Variants in WTAP observed in about 807,000 individuals in gnomAD.
The protein encoded by WTAP is pre-mRNA-splicing regulator WTAP.
Under a neutral mutation model 50.0 loss-of-function variants are expected in WTAP, and 8 were observed. The ratio of observed to expected loss-of-function variants is 0.16; its 90% CI spans 0.09 to 0.29. WTAP has a LOEUF of 0.29. Ranked by LOEUF, WTAP falls within the 10% of genes least tolerant of loss-of-function variation. The probability of loss-of-function intolerance (pLI) is 1.00; values close to 1 mark genes in which losing one functional copy is unlikely to be tolerated. For missense variants in WTAP, 295 were observed against 470.7 expected (o/e 0.63, Z 3.45); for synonymous variants, 194 against 169.0 (o/e 1.15, Z -1.15).
chr6:159,748,952 A>G lies in WTAP; in HGVS notation c.452+583A>G. ...CAAATGAGGTGAATTTTGCCTTTAAAGGGTTTATTTGCTGAGAACCAACTT... is the reference window on the plus strand; with the variant it reads ...CAAATGAGGTGAATTTTGCCTTTAAGGGGTTTATTTGCTGAGAACCAACTT... On this transcript the variant is annotated intron_variant, in intron 6 of 7. Coordinates refer to ENST00000621533, the MANE Select transcript of WTAP (RefSeq NM_001270531.2). This position sits in a 1 kb window ranked among gnomAD's most constrained non-coding sequence, Gnocchi z 5.6. 1 of 1,095,688 alleles carries G rather than the reference A, an allele frequency of 9.1e-7. No individual in the cohort carries two copies. Among genetic ancestry groups the G allele is most frequent in the Non-Finnish European group, 1.1e-6 (1 of 901,758 alleles). The allele number at this position is 1,095,688 out of a possible 1,614,324, so 67.9% of individuals were successfully genotyped here.
chr6:159,749,064 G>C (rs1463806247), intron 6 of WTAP: 1 of 989,622 alleles, frequency 1.0e-6, no homozygotes, highest in African/African-American at 1.7e-5. Flanking sequence ...TATATTACTT[G>C]CTTGAGCCTT....
At chr6:159,732,781 G>A (rs1778654565) in intron 1 of WTAP, among the ~76,000 whole-genome samples, 1 of 151,994 alleles carries the variant, frequency 6.6e-6, no homozygotes, top group Non-Finnish European at 1.5e-5. Context: ...CCGAGATCGC[G>A]CCATTGCACT....
chr6:159,745,316 G>A (rs914867250), intron 5 of WTAP: 6 of 152,138 alleles, frequency 3.9e-5, no homozygotes, highest in African/African-American at 1.4e-4. Flanking sequence ...TGTCCTATAT[G>A]CGCTGGCAGT....
chr6:159,744,330 C>T (rs1379565464), intron 5 of WTAP, among the ~76,000 whole-genome samples: 2 of 152,164 alleles, frequency 1.3e-5, no homozygotes, highest in South Asian at 2.1e-4. Context: ...AGTTTAGGCT[C>T]AATCTTACGG....
At chr6:159,742,269 C>A in intron 4 of WTAP, 123 bp downstream of exon 4, 1 of 749,178 alleles carries the variant, frequency 1.3e-6, no homozygotes, top group Non-Finnish European at 2.1e-6. Flanking sequence ...AAGAACTGTA[C>A]ATAGGCACTG....
intron 6 of WTAP, among the ~76,000 whole-genome samples, chr6:159,750,562 T>C (rs1779780788): frequency 6.6e-6 from 1 of 152,248 alleles, no homozygotes; most frequent in Non-Finnish European, 1.5e-5. Context: ...TATACAGTTA[T>C]TTTATGTATA....
chr6:159,731,957 G>A (rs1486420178), intron 1 of WTAP, among the ~76,000 whole-genome samples: 1 of 150,506 alleles, frequency 6.6e-6, no homozygotes, highest in Non-Finnish European at 1.5e-5. Context: ...ATAAGAATAT[G>A]GATACCTGTC....
rs773806001 is a variant in WTAP at position 159,738,969 on chromosome 6, A to G, written c.31-21A>G. ...TGTCTTCAGGAAGAACACTAAATTC[A>G]TATTGTAATTCTCTTTATAGGTTCG... On this transcript the variant is annotated intron_variant, in intron 2 of 7. Coordinates refer to ENST00000621533, the MANE Select transcript of WTAP (RefSeq NM_001270531.2). 2.5e-6 allele frequency: 4 copies of G among 1,591,414 alleles called. No homozygotes were observed. In the South Asian group the frequency reaches 4.5e-5, roughly 18 times the overall value.
rs561336803 is a variant in WTAP at position 159,755,790 on chromosome 6, T to G, written c.*179T>G. The G allele has an allele frequency of 5.1e-3, 4,343 of 848,456 alleles. 16 individuals are homozygous for G. Among genetic ancestry groups the G allele is most frequent in the Non-Finnish European group, 6.2e-3 (4,000 of 642,104 alleles). The allele number at this position is 848,456 out of a possible 1,614,324, so 52.6% of individuals were successfully genotyped here. On this transcript the variant is annotated 3_prime_UTR_variant, in exon 8 of 8. Transcript: ENST00000621533. Reference sequence around the variant, plus strand: ...CTTTTTTTTTTTTTTTTTTTTTTTTTGCTTCAATACTTCTGCCGCTTTGGA... The same window carrying G: ...CTTTTTTTTTTTTTTTTTTTTTTTTGGCTTCAATACTTCTGCCGCTTTGGA...
chr6:159,731,366 G>A (rs1778560120), intron 1 of WTAP, among the ~76,000 whole-genome samples: 1 of 151,964 alleles, frequency 6.6e-6, no homozygotes, highest in Non-Finnish European at 1.5e-5. Flanking sequence ...TACAAAGGAG[G>A]CTGAGGCAAG....
chr6:159,738,716 T>A (rs186603389), intron 2 of WTAP, among the ~76,000 whole-genome samples: 10 of 152,312 alleles, frequency 6.6e-5, no homozygotes, highest in Admixed American at 6.5e-4. Flanking sequence ...CAGCGTTTGG[T>A]GTTGCCACTA....
At chr6:159,749,091 T>C (rs1324459645) in intron 6 of WTAP, 10 of 987,094 alleles carry the variant, frequency 1.0e-5, no homozygotes, top group Non-Finnish European at 1.2e-5. Context: ...TGTGGTTTTA[T>C]TCAATGGTTT....
At chr6:159,738,007 C>T (rs1040853134) in intron 2 of WTAP, among the ~76,000 whole-genome samples, 9 of 152,174 alleles carry the variant, frequency 5.9e-5, no homozygotes, top group African/African-American at 1.2e-4. Flanking sequence ...TAACACCTTG[C>T]GTGACTAGCA....
At chr6:159,727,224 G>A (rs1193284568), upstream of WTAP, 2 of 1,270,530 alleles carry the variant, frequency 1.6e-6, no homozygotes, top group African/African-American at 1.5e-5. Flanking sequence ...ATTGTGCCTC[G>A]AGGCCCCGAT....
intron 3 of WTAP, among the ~76,000 whole-genome samples, chr6:159,740,255 GA>G (rs1208613815): frequency 1.3e-5 from 2 of 152,026 alleles, no homozygotes; most frequent in African/African-American, 4.8e-5. Context: ...TGTAGGAGGG[GA>G]AAAATCAGTA....
chr6:159,733,864 C>T (rs545725340), intron 1 of WTAP, among the ~76,000 whole-genome samples: 23 of 152,058 alleles, frequency 1.5e-4, no homozygotes, highest in Non-Finnish European at 2.9e-4. Flanking sequence ...TGCGGTGAGC[C>T]GAGATCGCGC....
Position 159,755,765 on chromosome 6 carries a change from CTTTTT to C in WTAP, c.*175_*179del. 878 of 172,618 alleles carry C rather than the reference CTTTTT, an allele frequency of 5.1e-3. No individual in the cohort carries two copies. Among genetic ancestry groups the C allele is most frequent in the East Asian group, 6.9e-3 (21 of 3,058 alleles). 10.7% of individuals were successfully genotyped at this position (172,618 alleles called of 1,614,324 possible). The stretch of plus-strand genomic sequence containing the variant: ...TTTTTCTTTGTTTTTTTTTTCTTTT[CTTTTT>C]TTTTTTTTTTTTTTTTTTTTGCTTC... On this transcript the variant is annotated 3_prime_UTR_variant, in exon 8 of 8. Transcript: ENST00000621533.
rs2114947074 is a variant in WTAP at position 159,748,614 on chromosome 6, C to T, written c.452+245C>T. ...GAGGCCTGATGGCGTCGGACTATTC[C>T]GAAGAAGTGGCCACCTCCGAAAAAT... On this transcript the variant is annotated intron_variant, in intron 6 of 7. Coordinates refer to ENST00000621533, the MANE Select transcript of WTAP (RefSeq NM_001270531.2). This position sits in a 1 kb window ranked among gnomAD's most constrained non-coding sequence, Gnocchi z 5.6. The T allele has an allele frequency of 4.6e-6, 6 of 1,298,450 alleles. No homozygotes were observed. The highest frequency in any genetic ancestry group is 2.8e-5 in the East Asian group (1 of 35,136). The allele number at this position is 1,298,450 out of a possible 1,614,324, so 80.4% of individuals were successfully genotyped here. A position where few individuals can be genotyped will look rare whatever the true frequency, so the allele number is the denominator to read the frequency against.
chr6:159,727,743 C>T (rs1337540171), intron 1 of WTAP, 40 bp downstream of exon 1: 2 of 981,454 alleles, frequency 2.0e-6, no homozygotes, highest in South Asian at 4.8e-5. Flanking sequence ...CGCGGGGGAC[C>T]TCCGGGGCCT....
Sources: allele counts gnomAD v4.1 joint callset (sites outside exome capture counted in the v4.1 genomes callset), GRCh38; gene constraint gnomAD v4.1.1; non-coding constraint Gnocchi (gnomAD v3.1); transcripts MANE v1.5; gene names NCBI Gene and HGNC (gene_info 2026-07-23, HGNC 2026-07-21).